Variants in TSHZ2 observed in about 807,000 individuals in gnomAD.
TSHZ2 encodes teashirt zinc finger homeobox 2, also known as teashirt homolog 2.
TSHZ2 carries 21 observed loss-of-function variants against 74.4 expected under a neutral mutation model. That is an observed-to-expected ratio of 0.28 (90% confidence interval 0.20 to 0.41). The LOEUF (loss-of-function observed/expected upper bound fraction) is 0.41, where lower values mean the gene tolerates loss of function less well. Ranked by LOEUF, TSHZ2 falls within the 10% of genes least tolerant of loss-of-function variation. The pLI, the probability that TSHZ2 is intolerant of heterozygous loss-of-function variation, is 1.00. For synonymous variants in TSHZ2, 540 were observed against 515.3 expected, an observed-to-expected ratio of 1.05 and a Z score of -0.65; for missense variants, 1,244 against 1,293.5, an observed-to-expected ratio of 0.96 and a Z score of 0.59.
intron 2 of TSHZ2, among the ~76,000 whole-genome samples, chr20:53,391,115 CTTTTGTTTTGTTTTG>C (rs151236380): frequency 2.7e-5 from 4 of 147,546 alleles, no homozygotes; most frequent in Non-Finnish European, 4.5e-5. Flanking sequence ...ATATACTACA[CTTTTGTTTTGTTTTG>C]TTTTGTTTTG....
intron 2 of TSHZ2, among the ~76,000 whole-genome samples, chr20:53,423,054 C>T (rs1035970271): frequency 2.6e-5 from 4 of 152,102 alleles, no homozygotes; most frequent in Non-Finnish European, 4.4e-5. Flanking sequence ...CAAAGAAAGG[C>T]GTCTAGCCAG....
Position 53,197,928 on chromosome 20 carries a change from G to A in TSHZ2, c.41-55571G>A, listed in dbSNP as rs1988912192. Among the ~76,000 whole-genome samples the A allele has an allele frequency of 2.0e-5, 3 of 152,164 alleles. No homozygotes were observed. In the South Asian group the frequency reaches 6.2e-4, roughly 32 times the overall value. ...GCCCATTTGCTTTGAAGTAAGCATG[G>A]GCATTTTAGCCAGAAGGTGACCCGA... On this transcript the variant is annotated intron_variant, in intron 1 of 2. Transcript: ENST00000371497.
At chr20:53,257,441 A>T (rs909480288) in intron 2 of TSHZ2, among the ~76,000 whole-genome samples, 18 of 152,226 alleles carry the variant, frequency 1.2e-4, no homozygotes, top group Admixed American at 3.9e-4. Flanking sequence ...CATGTGTCAT[A>T]GAAGTTCCAT....
chr20:53,432,987 T>C (rs567541199), intron 2 of TSHZ2, among the ~76,000 whole-genome samples: 1 of 152,308 alleles, frequency 6.6e-6, no homozygotes, highest in East Asian at 1.9e-4. Context: ...GATCATTGCC[T>C]TACAACTGCA....
At chr20:53,295,255 C>T (rs1991354784) in intron 2 of TSHZ2, among the ~76,000 whole-genome samples, 1 of 152,082 alleles carries the variant, frequency 6.6e-6, no homozygotes, top group Non-Finnish European at 1.5e-5. Flanking sequence ...TTCTGTGGTC[C>T]AAAACCCTCC....
At chr20:53,286,336 G>T (rs992338554) in intron 2 of TSHZ2, among the ~76,000 whole-genome samples, 2 of 152,242 alleles carry the variant, frequency 1.3e-5, no homozygotes, top group African/African-American at 4.8e-5. Context: ...GTCAGGTCTG[G>T]AAGTGTGGAG....
At chr20:53,077,768 AG>A (rs1013589521) in intron 1 of TSHZ2, among the ~76,000 whole-genome samples, 1 of 152,222 alleles carries the variant, frequency 6.6e-6, no homozygotes, top group African/African-American at 2.4e-5. Context: ...GCTGAAAAGG[AG>A]GTTGGTGACT....
chr20:53,272,982 T>A (rs561543356), intron 2 of TSHZ2, among the ~76,000 whole-genome samples: 1 of 152,112 alleles, frequency 6.6e-6, no homozygotes, highest in African/African-American at 2.4e-5. Context: ...CTACTTTAAA[T>A]AGAGGAGATT....
chr20:53,424,298 G>T (rs1035370126), intron 2 of TSHZ2, among the ~76,000 whole-genome samples: 3 of 152,154 alleles, frequency 2.0e-5, no homozygotes, highest in Non-Finnish European at 2.9e-5. Flanking sequence ...CCCAGCACTC[G>T]CTCCTCTTTC....
At chr20:53,154,280 C>G (rs6091639) in intron 1 of TSHZ2, among the ~76,000 whole-genome samples, 1 of 151,708 alleles carries the variant, frequency 6.6e-6, no homozygotes, top group Non-Finnish European at 1.5e-5. Context: ...GGGGAATGAC[C>G]TAAGTGACCA....
rs1043373480 is a variant in TSHZ2 at position 53,074,489 on chromosome 20, G to A, written c.40+101156G>A. 2.0e-5 allele frequency among the ~76,000 whole-genome samples: 3 copies of A among 152,134 alleles called. No homozygotes were observed. The highest frequency in any genetic ancestry group is 4.4e-5 in the Non-Finnish European group (3 of 68,010). On this transcript the variant is annotated intron_variant, in intron 1 of 2. Coordinates refer to ENST00000371497, the MANE Select transcript of TSHZ2 (RefSeq NM_173485.6). The surrounding 1 kb of genome is among the most constrained non-coding windows in gnomAD (Gnocchi z 5.9). ...TAGAAATCCAACAAATGTGTAAAAG[G>A]TAAAGGCAAACCAGATTTTTTTAAA...
intron 1 of TSHZ2, among the ~76,000 whole-genome samples, chr20:53,102,943 A>G (rs1194532185): frequency 6.6e-6 from 1 of 152,024 alleles, no homozygotes; most frequent in Non-Finnish European, 1.5e-5. Flanking sequence ...ATATGTATAC[A>G]TGTGCCATGC....
At chr20:53,060,049 A>G (rs1984769448) in intron 1 of TSHZ2, among the ~76,000 whole-genome samples, 1 of 152,186 alleles carries the variant, frequency 6.6e-6, no homozygotes, top group East Asian at 1.9e-4. Context: ...GCCCAGAGCT[A>G]TGTCGAAATG....
At chr20:53,287,385 G>A (rs73274274) in intron 2 of TSHZ2, among the ~76,000 whole-genome samples, 6,213 of 152,174 alleles carry the variant, frequency 0.041, 421 homozygotes, top group African/African-American at 0.14. Flanking sequence ...GTCCACAAGG[G>A]GTGGGCATTT....
intron 1 of TSHZ2, among the ~76,000 whole-genome samples, chr20:53,083,961 CTTTA>C (rs1233699534): frequency 6.6e-6 from 1 of 151,792 alleles, no homozygotes; most frequent in African/African-American, 2.4e-5. Flanking sequence ...CATAAGCCTT[CTTTA>C]TTATTGTTTA....
intron 2 of TSHZ2, among the ~76,000 whole-genome samples, chr20:53,304,815 AG>A (rs1280795344): frequency 2.0e-5 from 3 of 151,968 alleles, no homozygotes; most frequent in Admixed American, 6.6e-5. Context: ...TATTGTTAGT[AG>A]AGACGGGGTT....
intron 1 of TSHZ2, among the ~76,000 whole-genome samples, chr20:53,164,657 G>C (rs1348648050): frequency 6.6e-6 from 1 of 152,102 alleles, no homozygotes; most frequent in Admixed American, 6.5e-5. Context: ...TGCCCACATG[G>C]AGTTAGTGAC....
intron 1 of TSHZ2, among the ~76,000 whole-genome samples, chr20:53,244,232 C>T (rs746681301): frequency 1.6e-4 from 24 of 152,020 alleles, no homozygotes; most frequent in Non-Finnish European, 3.4e-4. Flanking sequence ...CCTCTCCAGT[C>T]TTGGAAGGAA....
At chr20:53,353,994 C>T (rs1460719920) in intron 2 of TSHZ2, among the ~76,000 whole-genome samples, 2 of 152,146 alleles carry the variant, frequency 1.3e-5, no homozygotes, top group Non-Finnish European at 2.9e-5. Context: ...GTTGGTCACC[C>T]TATCAGAGAA....
Sources: gnomAD v4.1 joint callset for allele counts (sites outside exome capture counted in the v4.1 genomes callset) on GRCh38, gnomAD v4.1.1 for gene constraint, Gnocchi (gnomAD v3.1) non-coding constraint, MANE v1.5 for transcripts, NCBI Gene and HGNC (gene_info 2026-07-23, HGNC 2026-07-21) for gene names.